IRAG1: variants seen among roughly 807,000 people sequenced by gnomAD.
IRAG1 encodes inositol 1,4,5-triphosphate receptor associated 1, also known as IP3R-associated cGMP kinase substrate.
In IRAG1, 62 loss-of-function variants were observed where a neutral mutation model predicts 106.2. That is an observed-to-expected ratio of 0.58 (90% CI 0.48 to 0.72). The LOEUF (loss-of-function observed/expected upper bound fraction) is 0.72, where lower values mean the gene tolerates loss of function less well. Ranked by LOEUF, IRAG1 falls within the 30% of genes least tolerant of loss-of-function variation. IRAG1 has a pLI of 0.00. For synonymous variants in IRAG1, 462 were observed against 443.9 expected (o/e 1.04, Z -0.51); for missense variants, 1,064 against 1,140.7 (o/e 0.93, Z 0.97).
intron 1 of IRAG1, among the ~76,000 whole-genome samples, chr11:10,680,312 G>T (rs1192960614): frequency 8.1e-6 from 1 of 123,922 alleles, no homozygotes; most frequent in East Asian, 2.6e-4. Context: ...GAGGGAGGGA[G>T]GGAGGGAGGG....
intron 4 of IRAG1, 142 bp downstream of exon 4, chr11:10,631,849 C>T (rs181033320): frequency 6.4e-5 from 39 of 614,042 alleles, no homozygotes; most frequent in African/African-American, 1.3e-4. Context: ...GACCCAGACA[C>T]GGAGGGGCTG....
intron 10 of IRAG1, 42 bp downstream of exon 10, chr11:10,623,736 A>G: frequency 1.3e-6 from 2 of 1,579,290 alleles, no homozygotes; most frequent in Non-Finnish European, 1.7e-6. Flanking sequence ...GCACAGACAA[A>G]TCAGCACTCG....
intron 2 of IRAG1, among the ~76,000 whole-genome samples, chr11:10,643,290 C>T (rs1054276691): frequency 6.6e-6 from 1 of 151,422 alleles, no homozygotes; most frequent in African/African-American, 2.4e-5. Flanking sequence ...CTGAGTTCTG[C>T]TGGACATGGG....
intron 1 of IRAG1, among the ~76,000 whole-genome samples, chr11:10,691,576 C>A (rs1862060360): frequency 6.6e-6 from 1 of 152,152 alleles, no homozygotes; most frequent in Non-Finnish European, 1.5e-5. Context: ...AACTTCCTCA[C>A]CCAAGATACT....
intron 14 of IRAG1, among the ~76,000 whole-genome samples, chr11:10,601,441 A>G (rs1853995086): frequency 6.6e-6 from 1 of 152,192 alleles, no homozygotes; most frequent in Middle Eastern, 3.2e-3. Flanking sequence ...AGGAGTCTAG[A>G]GGCAGGGAAG....
intron 10 of IRAG1, among the ~76,000 whole-genome samples, chr11:10,615,432 A>G (rs368943050): frequency 0.048 from 7,312 of 152,218 alleles, 395 homozygotes; most frequent in African/African-American, 0.13. Context: ...CCATTACTGG[A>G]TATATACCCA....
At chr11:10,586,416 CTTT>C (rs1215933252) in intron 18 of IRAG1, among the ~76,000 whole-genome samples, 3 of 140,994 alleles carry the variant, frequency 2.1e-5, no homozygotes, top group Non-Finnish European at 3.1e-5. Flanking sequence ...TTGATCTCTC[CTTT>C]TTTTTTTTTT....
chr11:10,580,461 C>T lies in IRAG1; in HGVS notation c.2489G>A (p.Arg830Lys), dbSNP rs763708651. ...EETEEEEKGPRSSKLEELVHF... is the reference protein window; with the variant it reads ...EETEEEEKGPKSSKLEELVHF... ...CCAAACACAGGCTTCCCACCTGCTT[C>T]TTGGGCCCTTTTCCTCTTCCTCAGT... Residue 830 changes from arginine to lysine, a missense_variant, in exon 20 of 21, where the codon AGA becomes AAA. Arg to Lys is a conservative substitution (Grantham distance 26). Transcript: ENST00000423302. 13 of 1,612,468 alleles carry T rather than the reference C, an allele frequency of 8.1e-6. No homozygotes were observed. In the South Asian group the frequency reaches 1.1e-4, roughly 14 times the overall value.
chr11:10,621,865 C>T (rs578168834), intron 10 of IRAG1, among the ~76,000 whole-genome samples: 12 of 152,228 alleles, frequency 7.9e-5, no homozygotes, highest in African/African-American at 2.6e-4. Context: ...AGGACAGATA[C>T]TGTATGATTC....
intron 1 of IRAG1, among the ~76,000 whole-genome samples, chr11:10,683,361 CAAAA>C (rs563286344): frequency 1.1e-5 from 1 of 92,566 alleles, no homozygotes. Flanking sequence ...AGGTTTGTGC[CAAAA>C]AAAAAAAAAA....
intron 10 of IRAG1, among the ~76,000 whole-genome samples, chr11:10,621,871 G>A (rs540612722): frequency 6.6e-6 from 1 of 152,194 alleles, no homozygotes. Context: ...GATACTGTAT[G>A]ATTCCATTTC....
chr11:10,668,768 T>A (rs755882069), intron 1 of IRAG1, among the ~76,000 whole-genome samples: 10 of 152,232 alleles, frequency 6.6e-5, no homozygotes, highest in Non-Finnish European at 1.3e-4. Flanking sequence ...CATCTTTGTA[T>A]CTCTAACATT....
At chr11:10,638,498 A>G (rs113223907) in intron 2 of IRAG1, among the ~76,000 whole-genome samples, 1,977 of 134,746 alleles carry the variant, frequency 0.015, 41 homozygotes, top group African/African-American at 0.053. Flanking sequence ...GGGAACGCCA[A>G]TGGAAACTCT....
intron 3 of IRAG1, among the ~76,000 whole-genome samples, chr11:10,633,138 G>A (rs1354347955): frequency 2.8e-5 from 4 of 145,368 alleles, no homozygotes; most frequent in South Asian, 2.1e-4. Flanking sequence ...GCAGTGGCGC[G>A]ATCTGGGCTC....
At chr11:10,588,274 T>G (rs1317926560) in intron 18 of IRAG1, among the ~76,000 whole-genome samples, 1 of 152,234 alleles carries the variant, frequency 6.6e-6, no homozygotes, top group Non-Finnish European at 1.5e-5. Context: ...GTTGTTAACC[T>G]CCTGTTCACC....
chr11:10,664,038 C>T (rs1386716383), intron 1 of IRAG1, among the ~76,000 whole-genome samples: 2 of 152,174 alleles, frequency 1.3e-5, no homozygotes, highest in African/African-American at 2.4e-5. Context: ...TTAGCAAAGA[C>T]AGAACAAGGG....
intron 10 of IRAG1, among the ~76,000 whole-genome samples, chr11:10,617,795 A>G (rs889575965): frequency 6.6e-6 from 1 of 152,296 alleles, no homozygotes; most frequent in African/African-American, 2.4e-5. Context: ...AAGTCCTGAC[A>G]AGCTGATCTC....
At chr11:10,658,878 G>A (rs1859165900) in intron 1 of IRAG1, among the ~76,000 whole-genome samples, 1 of 148,880 alleles carries the variant, frequency 6.7e-6, no homozygotes, top group South Asian at 2.1e-4. Context: ...TCAGTCCTAG[G>A]TCTGTGCTGT....
At chr11:10,614,635 C>T (rs1440812709) in intron 10 of IRAG1, among the ~76,000 whole-genome samples, 1 of 152,132 alleles carries the variant, frequency 6.6e-6, no homozygotes, top group Non-Finnish European at 1.5e-5. Flanking sequence ...AGAAATAATA[C>T]CACACATCTA....
Sources: gnomAD v4.1 joint callset for allele counts (sites outside exome capture counted in the v4.1 genomes callset) on GRCh38, gnomAD v4.1.1 for gene constraint, MANE v1.5 for transcripts, NCBI Gene and HGNC (gene_info 2026-07-23, HGNC 2026-07-21) for gene names.